Variants in COBLL1 observed in about 807,000 individuals in gnomAD.
COBLL1 encodes cordon-bleu WH2 repeat protein like 1.
Under a neutral mutation model 94.8 loss-of-function variants are expected in COBLL1, and 50 were observed. That is an observed-to-expected ratio of 0.53 (90% CI 0.42 to 0.67). The LOEUF (loss-of-function observed/expected upper bound fraction) is 0.67, where lower values mean the gene tolerates loss of function less well. Among genes scored for constraint, COBLL1 ranks in the 30% least tolerant of loss-of-function variants. The probability of loss-of-function intolerance (pLI) is 0.00; values close to 1 mark genes in which losing one functional copy is unlikely to be tolerated. For synonymous variants in COBLL1, 448 were observed against 473.8 expected, an observed-to-expected ratio of 0.95 and a Z score of 0.71; for missense variants, 1,362 against 1,348.7, an observed-to-expected ratio of 1.01 and a Z score of -0.15.
At chr2:164,660,403 T>C (rs1691052533) in intron 2 of COBLL1, among the ~76,000 whole-genome samples, 1 of 152,122 alleles carries the variant, frequency 6.6e-6, no homozygotes, top group Admixed American at 6.6e-5. Flanking sequence ...TGGGAGAAAG[T>C]GTCAACGAAA....
At chr2:164,764,243 C>A (rs1687830591) in intron 2 of COBLL1, among the ~76,000 whole-genome samples, 1 of 152,072 alleles carries the variant, frequency 6.6e-6, no homozygotes, top group African/African-American at 2.4e-5. Context: ...ATTCTAAAGA[C>A]AAAAACACTA....
chr2:164,842,034 C>T (rs370639424), upstream of COBLL1: 2 of 1,536,430 alleles, frequency 1.3e-6, no homozygotes, highest in South Asian at 1.2e-5. Context: ...TGGGGACCAG[C>T]TCGGCGGCAT....
Position 164,700,518 on chromosome 2 carries a change from T to C in COBLL1, c.1460+4A>G. The C allele has an allele frequency of 6.3e-7, 1 of 1,583,376 alleles. No homozygotes were observed. Among genetic ancestry groups the C allele is most frequent in the Non-Finnish European group, 8.7e-7 (1 of 1,152,596 alleles). On this transcript the variant is annotated splice_donor_region_variant and intron_variant, in intron 10 of 13. Transcript: ENST00000652658. The stretch of plus-strand genomic sequence containing the variant: ...ACCAACACTCCAGCACAGAGACTAC[T>C]TACTGTCCATCTGTGCTTTTAGTTT...
chr2:164,730,873 G>A (rs992442724), intron 3 of COBLL1, among the ~76,000 whole-genome samples: 4 of 152,168 alleles, frequency 2.6e-5, no homozygotes, highest in Non-Finnish European at 5.9e-5. Flanking sequence ...TGCATAGGAA[G>A]TCCACAAAAT....
At chr2:164,699,373 G>A (rs1684120220) in intron 11 of COBLL1, 32 bp downstream of exon 11, 1 of 1,348,794 alleles carries the variant, frequency 7.4e-7, no homozygotes, top group Non-Finnish European at 1.1e-6. Context: ...ATAAAAGTAA[G>A]AAAGTGTTGG....
At chr2:164,838,291 T>C (rs938392426) in intron 2 of COBLL1, among the ~76,000 whole-genome samples, 5 of 152,172 alleles carry the variant, frequency 3.3e-5, no homozygotes, top group Admixed American at 2.6e-4. Flanking sequence ...TCCCTTTTGA[T>C]GTTACAATTA....
intron 10 of COBLL1, 129 bp from the exon 11 acceptor site, chr2:164,699,628 C>A: frequency 1.9e-6 from 1 of 539,422 alleles, no homozygotes; most frequent in Non-Finnish European, 3.3e-6. Flanking sequence ...CTAAAATAAT[C>A]ATTTATTTCT....
At chr2:164,764,405 A>C (rs923700876) in intron 2 of COBLL1, among the ~76,000 whole-genome samples, 2 of 152,168 alleles carry the variant, frequency 1.3e-5, no homozygotes, top group Admixed American at 1.3e-4. Flanking sequence ...ATAAACATAA[A>C]ATTGGAGTTA....
chr2:164,816,974 G>A (rs1177685647), intron 2 of COBLL1, among the ~76,000 whole-genome samples: 9 of 152,156 alleles, frequency 5.9e-5, no homozygotes, highest in Non-Finnish European at 1.3e-4. Flanking sequence ...GCCCCAGGAG[G>A]AAAAGGTCAG....
intron 13 of COBLL1, among the ~76,000 whole-genome samples, chr2:164,688,037 A>G (rs764496394): frequency 6.7e-6 from 1 of 150,072 alleles, no homozygotes; most frequent in Non-Finnish European, 1.5e-5. Context: ...GTCAAATACT[A>G]TGTAATCTTT....
chr2:164,801,313 C>T (rs1213901888), intron 2 of COBLL1, among the ~76,000 whole-genome samples: 2 of 150,666 alleles, frequency 1.3e-5, no homozygotes, highest in Admixed American at 6.6e-5. Context: ...GTAGCGGGCG[C>T]CTGTAGTCCC....
chr2:164,817,373 A>G (rs914630034), intron 2 of COBLL1, among the ~76,000 whole-genome samples: 3 of 151,392 alleles, frequency 2.0e-5, no homozygotes, highest in African/African-American at 7.3e-5. Flanking sequence ...AAAAAAAAAA[A>G]AAAAAGAAGA....
At chr2:164,707,355 G>A (rs1293236188) in intron 7 of COBLL1, among the ~76,000 whole-genome samples, 1 of 152,092 alleles carries the variant, frequency 6.6e-6, no homozygotes, top group East Asian at 1.9e-4. Flanking sequence ...TGGCTAGGCT[G>A]CTCTCGAACT....
At chr2:164,744,972 C>G (rs1288215587) in intron 2 of COBLL1, among the ~76,000 whole-genome samples, 4 of 151,988 alleles carry the variant, frequency 2.6e-5, no homozygotes, top group African/African-American at 9.7e-5. Flanking sequence ...ATTTAAAACA[C>G]TGTGAATTAA....
chr2:164,796,671 T>A (rs928460564), intron 2 of COBLL1, among the ~76,000 whole-genome samples: 1 of 125,782 alleles, frequency 8.0e-6, no homozygotes, highest in Admixed American at 1.0e-4. Context: ...TAAAATTTAA[T>A]GGTGGGTGAT....
chr2:164,789,104 A>T (rs954819703), intron 2 of COBLL1, among the ~76,000 whole-genome samples: 2 of 150,996 alleles, frequency 1.3e-5, no homozygotes, highest in Admixed American at 6.6e-5. Context: ...GCTACTTGGG[A>T]GGCTGAAGTG....
chr2:164,671,407 A>G (rs1302159320), intron 1 of COBLL1, among the ~76,000 whole-genome samples: 2 of 152,090 alleles, frequency 1.3e-5, no homozygotes, highest in Non-Finnish European at 2.9e-5. Flanking sequence ...GTGCAAGGCA[A>G]AATTTCATTT....
At position 164,729,878 on chromosome 2, in the gene COBLL1, T is replaced by C. The variant is rs755572829; in HGVS notation, c.432+36A>G. ...CTTACAATGAGCTGCTGATAATGAC[T>C]GAATAAGACATCAAAATATATAATG... On this transcript the variant is annotated intron_variant, in intron 4 of 13. Transcript: ENST00000652658. The C allele has an allele frequency of 1.1e-5, 17 of 1,541,382 alleles. No homozygotes were observed. The East Asian group carries it at 3.6e-4, about 33-fold the overall frequency.
intron 2 of COBLL1, among the ~76,000 whole-genome samples, chr2:164,761,925 G>A (rs1687702814): frequency 6.6e-6 from 1 of 152,154 alleles, no homozygotes; most frequent in African/African-American, 2.4e-5. Flanking sequence ...AGCAAAGAAT[G>A]AATCACAGTT....
Sources: gnomAD v4.1 joint callset for allele counts (sites outside exome capture counted in the v4.1 genomes callset) on GRCh38, gnomAD v4.1.1 for gene constraint, MANE v1.5 for transcripts, NCBI Gene and HGNC (gene_info 2026-07-23, HGNC 2026-07-21) for gene names.